Variants in KANSL1L observed in about 807,000 individuals in gnomAD.
KANSL1L encodes the protein KAT8 regulatory NSL complex subunit 1 like, also known as KAT8 regulatory NSL complex subunit 1-like protein.
In KANSL1L, 25 loss-of-function variants were observed where a neutral mutation model predicts 108.6. That is an observed-to-expected ratio of 0.23 (90% CI 0.17 to 0.32). KANSL1L has a LOEUF of 0.32. Ranked by LOEUF, KANSL1L falls within the 10% of genes least tolerant of loss-of-function variation. KANSL1L has a pLI of 1.00. For synonymous variants in KANSL1L, 405 were observed against 395.1 expected (o/e 1.03, Z -0.30); for missense variants, 1,137 against 1,125.7 (o/e 1.01, Z -0.14).
intron 12 of KANSL1L, chr2:210,026,230 TAGAA>T (rs371432903): frequency 5.9e-5 from 9 of 152,282 alleles, no homozygotes; most frequent in African/African-American, 1.9e-4. Flanking sequence ...CCACTGGACA[TAGAA>T]AGATTGTTAC....
At chr2:210,144,059 T>C (rs1053391589) in intron 2 of KANSL1L, among the ~76,000 whole-genome samples, 5 of 152,318 alleles carry the variant, frequency 3.3e-5, no homozygotes, top group African/African-American at 1.2e-4. Flanking sequence ...AAAAGTCTTC[T>C]CTCTCCCTTT....
At chr2:210,152,641 A>T (rs1424144916) in intron 2 of KANSL1L, 1 of 152,238 alleles carries the variant, frequency 6.6e-6, no homozygotes, top group Non-Finnish European at 1.5e-5. Flanking sequence ...CTTACAGCTG[A>T]CATTATAGTT....
At chr2:210,092,928 GT>G (rs538266563) in intron 5 of KANSL1L, among the ~76,000 whole-genome samples, 457 of 142,478 alleles carry the variant, frequency 3.2e-3, no homozygotes, top group African/African-American at 9.4e-3. Context: ...TAGGTTTTTT[GT>G]TTTTTTTTTT....
At chr2:210,058,916 C>T (rs901643521) in intron 6 of KANSL1L, among the ~76,000 whole-genome samples, 5 of 151,142 alleles carry the variant, frequency 3.3e-5, no homozygotes, top group Middle Eastern at 3.2e-3. Flanking sequence ...GTATCTCCCC[C>T]GGACACCCAG....
At chr2:210,120,381 G>T (rs776580082) in intron 3 of KANSL1L, among the ~76,000 whole-genome samples, 2 of 152,110 alleles carry the variant, frequency 1.3e-5, no homozygotes, top group African/African-American at 2.4e-5. Flanking sequence ...GACAGGGTGA[G>T]ACTCCGTCTC....
At position 210,022,186 on chromosome 2, in the gene KANSL1L, G is replaced by T. The variant is rs2093869316; in HGVS notation, c.*763C>A. On this transcript the variant is annotated 3_prime_UTR_variant, in exon 15 of 15. Transcript: ENST00000281772. ...ATTTGCTTGCTTTATTTTGTTAGGA[G>T]TAAACAGAAAGTAGCCTGTGTTTAG... is the stretch of plus-strand genomic sequence containing the variant. 1 of 151,884 alleles carries T rather than the reference G, an allele frequency of 6.6e-6. No individual in the cohort carries two copies. The highest frequency in any genetic ancestry group is 2.4e-5 in the African/African-American group (1 of 41,368). The allele number at this position is 151,884 out of a possible 1,614,324, so 9.4% of individuals were successfully genotyped here.
intron 4 of KANSL1L, among the ~76,000 whole-genome samples, chr2:210,098,432 T>C (rs1439068671): frequency 6.6e-6 from 1 of 152,202 alleles, no homozygotes; most frequent in East Asian, 1.9e-4. Context: ...TTTATTATTG[T>C]TCCTTCATCT....
In KANSL1L at chr2:210,022,825, AC is replaced by A; in HGVS notation, c.*123del. Reference sequence around the variant, plus strand: ...CAGACTTATCTTGCCTGTTTCATAAACAGCATAAAAGATTAATACATGCAGA... The same window carrying A: ...CAGACTTATCTTGCCTGTTTCATAAAAGCATAAAAGATTAATACATGCAGA... On this transcript the variant is annotated 3_prime_UTR_variant, in exon 15 of 15. Coordinates refer to ENST00000281772, the MANE Select transcript of KANSL1L (RefSeq NM_152519.4). The A allele has an allele frequency of 1.4e-6, 1 of 693,592 alleles. No individual in the cohort carries two copies. Among genetic ancestry groups the A allele is most frequent in the South Asian group, 2.0e-5 (1 of 51,056 alleles). The allele number at this position is 693,592 out of a possible 1,614,324, so 43.0% of individuals were successfully genotyped here.
chr2:210,161,027 C>T (rs982889161), intron 1 of KANSL1L, among the ~76,000 whole-genome samples: 14 of 142,124 alleles, frequency 9.9e-5, no homozygotes, highest in Non-Finnish European at 1.7e-4. Flanking sequence ...TTCACTCTGT[C>T]GCCCAGGCTG....
chr2:210,116,278 G>C (rs2094952984), intron 3 of KANSL1L, among the ~76,000 whole-genome samples: 1 of 152,178 alleles, frequency 6.6e-6, no homozygotes, highest in South Asian at 2.1e-4. Flanking sequence ...ACAGCACCAG[G>C]TGGAGTCCCA....
chr2:210,151,052 G>A (rs115515231), intron 2 of KANSL1L, among the ~76,000 whole-genome samples: 2,401 of 152,066 alleles, frequency 0.016, 64 homozygotes, highest in African/African-American at 0.055. Context: ...TTTTACTCCC[G>A]TCACACAGAC....
chr2:210,149,151 A>T (rs1420349233), intron 2 of KANSL1L, among the ~76,000 whole-genome samples: 1 of 152,080 alleles, frequency 6.6e-6, no homozygotes. Flanking sequence ...CAACTCCACA[A>T]TGAAATTTTT....
chr2:210,056,894 T>C (rs2094357407), intron 6 of KANSL1L, among the ~76,000 whole-genome samples: 1 of 152,206 alleles, frequency 6.6e-6, no homozygotes, highest in Non-Finnish European at 1.5e-5. Context: ...TTTAGAGCTG[T>C]CCCTGTGTCC....
At chr2:210,103,934 A>G (rs1055302992) in intron 4 of KANSL1L, 170 bp downstream of exon 4, 22 of 472,750 alleles carry the variant, frequency 4.7e-5, no homozygotes, top group African/African-American at 3.3e-4. Context: ...TATTGGTATT[A>G]TAATGGAGAC....
chr2:210,058,943 T>C (rs1224807262), intron 6 of KANSL1L, among the ~76,000 whole-genome samples: 2 of 152,028 alleles, frequency 1.3e-5, no homozygotes, highest in East Asian at 3.9e-4. Context: ...AATTTCTCTC[T>C]TTTGTACTCT....
At chr2:210,159,960 C>T (rs1390175628) in intron 1 of KANSL1L, among the ~76,000 whole-genome samples, 3 of 152,130 alleles carry the variant, frequency 2.0e-5, no homozygotes, top group African/African-American at 7.2e-5. Context: ...GGTGTGAACC[C>T]GGGAGGTGGA....
At chr2:210,074,511 C>G (rs547255826) in intron 6 of KANSL1L, among the ~76,000 whole-genome samples, 1 of 152,058 alleles carries the variant, frequency 6.6e-6, no homozygotes, top group Admixed American at 6.6e-5. Context: ...GTATTTTTCA[C>G]GCTGGGCTAA....
At position 210,039,863 on chromosome 2, in the gene KANSL1L, T is replaced by A. The variant is rs139840278; in HGVS notation, c.2029+557A>T. 9.1e-4 allele frequency among the ~76,000 whole-genome samples: 139 copies of A among 151,964 alleles called. 3 individuals are homozygous for A. The East Asian group carries it at 0.021, about 23-fold the overall frequency. Reference sequence around the variant, plus strand: ...CTCCACTTTCCCACTAATATACAATTCTTCCCTGATATATAATCAACTATA... The same window carrying A: ...CTCCACTTTCCCACTAATATACAATACTTCCCTGATATATAATCAACTATA... On this transcript the variant is annotated intron_variant, in intron 8 of 14. Transcript: ENST00000281772.
At chr2:210,167,969 A>T (rs1034319445) in intron 1 of KANSL1L, among the ~76,000 whole-genome samples, 5 of 152,046 alleles carry the variant, frequency 3.3e-5, no homozygotes, top group African/African-American at 1.2e-4. Context: ...AACATTTAAA[A>T]GAAAAAGAAA....
Sources: allele counts gnomAD v4.1 joint callset (sites outside exome capture counted in the v4.1 genomes callset), GRCh38; gene constraint gnomAD v4.1.1; transcripts MANE v1.5; gene names NCBI Gene and HGNC (gene_info 2026-07-23, HGNC 2026-07-21).